CENPE: variants seen among roughly 807,000 people sequenced by gnomAD.
The protein encoded by CENPE is centromere-associated protein E.
CENPE carries 145 observed loss-of-function variants against 336.1 expected under a neutral mutation model. The observed-to-expected ratio is 0.43, with a 90% CI of 0.38 to 0.50. The LOEUF (loss-of-function observed/expected upper bound fraction) is 0.50, where lower values mean the gene tolerates loss of function less well. Among genes scored for constraint, CENPE ranks in the 20% least tolerant of loss-of-function variants. CENPE has a pLI of 0.00. For missense variants in CENPE, 2,719 were observed against 3,023.3 expected, an observed-to-expected ratio of 0.90 and a Z score of 2.36; for synonymous variants, 1,013 against 984.8, an observed-to-expected ratio of 1.03 and a Z score of -0.54.
rs776972153 is a variant in CENPE, at chr4:103,136,173, T to C, written c.6490A>G (p.Met2164Val). ...KLFTANQRCS[M>V]EFHRIMKKLK... is the part of the protein sequence containing the mutation. ...TTCTTCATGATTCTGTGGAATTCCA[T>C]GGAGCATCTCTGGTTTGCAGTAAAA... is the stretch of plus-strand genomic sequence containing the variant. Residue 2164 changes from methionine to valine, a missense_variant, in exon 40 of 49, where the codon ATG becomes GTG. Met to Val is a conservative substitution (Grantham distance 21, BLOSUM62 1). This residue lies in a region of CENPE where 2,437 missense variants were observed against 2,513.3 expected (regional missense o/e 0.97). Coordinates refer to ENST00000265148, the MANE Select transcript of CENPE (RefSeq NM_001813.3). 1.4e-5 allele frequency: 23 copies of C among 1,613,680 alleles called. No individual in the cohort carries two copies. In the East Asian group the frequency reaches 2.9e-4, roughly 20 times the overall value.
chr4:103,147,548 C>T lies in CENPE; in HGVS notation c.3942G>A (p.Gln1314=). The T allele has an allele frequency of 6.2e-7, 1 of 1,614,038 alleles. No individual in the cohort carries two copies. The highest frequency in any genetic ancestry group is 8.5e-7 in the Non-Finnish European group (1 of 1,179,998). ...TMNELELLTE[Q]STTKDSTTLA... The stretch of plus-strand genomic sequence containing the variant: ...GTGTTGTTGAGTCCTTGGTTGTGGA[C>T]TGTTCTGTTAATAACTCCAGTTCAT... Residue 1314 remains glutamine (Q), a synonymous_variant, in exon 29 of 49, where the codon CAG becomes CAA. Coordinates refer to ENST00000265148, the MANE Select transcript of CENPE (RefSeq NM_001813.3).
At position 103,106,341 on chromosome 4, in the gene CENPE, T is replaced by G. The variant is rs76191558; in HGVS notation, c.8012-25A>C. On this transcript the variant is annotated intron_variant, in intron 48 of 48. Transcript: ENST00000265148. Reference sequence around the variant, plus strand: ...TCTGAGAAAGAAAATGAAAACAACATTCATCCTATTACAAAAATACACAAA... The same window carrying G: ...TCTGAGAAAGAAAATGAAAACAACAGTCATCCTATTACAAAAATACACAAA... 2,914 of 1,542,192 alleles carry G rather than the reference T, an allele frequency of 1.9e-3. 55 individuals carry two copies. In the African/African-American group the frequency reaches 0.036, roughly 19 times the overall value.
At chr4:103,141,935 C>CATATCTTA (rs1752598005) in intron 34 of CENPE, 27 bp from the exon 35 acceptor site, 1 of 1,386,448 alleles carries the variant, frequency 7.2e-7, no homozygotes, top group Non-Finnish European at 1.0e-6. Context: ...ATTTTAAAAA[C>CATATCTTA]AGTGACATAT....
At position 103,159,271 on chromosome 4, in the gene CENPE, C is replaced by A. The variant is rs1329109575; in HGVS notation, c.2340G>T (p.Leu780Phe). 1 of 1,580,260 alleles carries A rather than the reference C, an allele frequency of 6.3e-7. No homozygotes were observed. The highest frequency in any genetic ancestry group is 1.9e-5 in the Admixed American group (1 of 53,286). Residue 780 changes from leucine to phenylalanine, a missense_variant, in exon 22 of 49, where the codon TTG becomes TTT. By Grantham distance (22) the Leu-to-Phe change is conservative (BLOSUM62 0). This residue lies in a region of CENPE where 2,437 missense variants were observed against 2,513.3 expected (regional missense o/e 0.97). Coordinates refer to ENST00000265148, the MANE Select transcript of CENPE (RefSeq NM_001813.3). Reference sequence around the variant, plus strand: ...TCTCCTTATGAACTACTTCAGAAAACAATTTATCTTTTTCTGATGTTATTA... The same window carrying A: ...TCTCCTTATGAACTACTTCAGAAAAAAATTTATCTTTTTCTGATGTTATTA... ...LHIITSEKDK[L>F]FSEVVHKESR...
At chr4:103,119,858 T>G (rs939114861) in intron 44 of CENPE, among the ~76,000 whole-genome samples, 1 of 152,136 alleles carries the variant, frequency 6.6e-6, no homozygotes, top group South Asian at 2.1e-4. Context: ...GTATTATATA[T>G]TTTGATAAGC....
At chr4:103,181,169 A>T (rs1325151339) in intron 12 of CENPE, among the ~76,000 whole-genome samples, 168 bp downstream of exon 12, 1 of 152,196 alleles carries the variant, frequency 6.6e-6, no homozygotes, top group African/African-American at 2.4e-5. Flanking sequence ...AATTTATAGT[A>T]AATTAAACTA....
chr4:103,165,849 T>C (rs1477699551), intron 16 of CENPE, among the ~76,000 whole-genome samples: 1 of 150,770 alleles, frequency 6.6e-6, no homozygotes, highest in Non-Finnish European at 1.5e-5. Context: ...ATTATATGTC[T>C]TTTAGATTAG....
At chr4:103,112,748 A>T (rs1188780400) in intron 46 of CENPE, among the ~76,000 whole-genome samples, 2 of 107,758 alleles carry the variant, frequency 1.9e-5, no homozygotes, top group African/African-American at 6.9e-5. Flanking sequence ...TTATAAGTAT[A>T]TAAGTGTATA....
intron 40 of CENPE, among the ~76,000 whole-genome samples, chr4:103,134,338 C>T (rs1245797563): frequency 2.0e-5 from 3 of 152,012 alleles, no homozygotes; most frequent in Non-Finnish European, 4.4e-5. Context: ...TTACATGCCT[C>T]AAGACTTCCT....
rs534018215 is a variant in CENPE at position 103,144,231 on chromosome 4, C to T, written c.5145+100G>A. On this transcript the variant is annotated intron_variant, in intron 33 of 48. Transcript: ENST00000265148. ...GATTACCGGCTCGAGCCACCGCGCC[C>T]GGCCTGGACCAATTTTATACTCCCA... 746 of 1,054,782 alleles carry T rather than the reference C, an allele frequency of 7.1e-4. 3 individuals are homozygous for T. The highest frequency in any genetic ancestry group is 3.1e-3 in the South Asian group (182 of 59,556). 65.3% of individuals were successfully genotyped at this position (1,054,782 alleles called of 1,614,324 possible).
intron 46 of CENPE, among the ~76,000 whole-genome samples, 170 bp downstream of exon 46, chr4:103,114,285 A>G (rs1749880386): frequency 6.6e-6 from 1 of 152,202 alleles, no homozygotes; most frequent in Admixed American, 6.5e-5. Flanking sequence ...ACAACAAACG[A>G]TGTCACAAGA....
chr4:103,115,409 C>T (rs909198696), intron 45 of CENPE, among the ~76,000 whole-genome samples: 2 of 152,176 alleles, frequency 1.3e-5, no homozygotes, highest in African/African-American at 4.8e-5. Flanking sequence ...GCTGGGATCA[C>T]AGGCGTGAGC....
At chr4:103,173,033 A>T (rs1560659470) in intron 16 of CENPE, among the ~76,000 whole-genome samples, 1 of 152,026 alleles carries the variant, frequency 6.6e-6, no homozygotes, top group African/African-American at 2.4e-5. Context: ...TGGAACCCCA[A>T]AAGACCCTGT....
Position 103,159,233 on chromosome 4 carries a change from C to T in CENPE, c.2378G>A (p.Gly793Asp). 6.2e-7 allele frequency: 1 copy of T among 1,609,190 alleles called. No homozygotes were observed. The highest frequency in any genetic ancestry group is 8.5e-7 in the Non-Finnish European group (1 of 1,176,246). Reference protein sequence around the residue: ...EVVHKESRVQGLLEEIGKTKD... With the variant: ...EVVHKESRVQDLLEEIGKTKD... ...TGTTTTCCCAATTTCTTCAAGTAAACCTTGAACTCTACTCTCCTTATGAAC... is the reference window on the plus strand; with the variant it reads ...TGTTTTCCCAATTTCTTCAAGTAAATCTTGAACTCTACTCTCCTTATGAAC... The change falls in exon 22 of 49, where the codon GGT becomes GAT. Residue 793 changes from glycine to aspartate, a missense_variant. Transcript: ENST00000265148.
At chr4:103,182,945 A>G (rs1756448517) in intron 10 of CENPE, 54 bp from the exon 11 acceptor site, 2 of 1,553,034 alleles carry the variant, frequency 1.3e-6, no homozygotes, top group Admixed American at 1.8e-5. Flanking sequence ...TTATATAATA[A>G]AGTAGTTGGT....
At position 103,174,826 on chromosome 4, in the gene CENPE, T is replaced by C; in HGVS notation, c.1557A>G (p.Thr519=). 6.5e-7 allele frequency: 1 copy of C among 1,546,006 alleles called. No homozygotes were observed. The highest frequency in any genetic ancestry group is 1.2e-5 in the South Asian group (1 of 80,890). The change falls in exon 16 of 49, where the codon ACA becomes ACG. Residue 519 remains threonine (T), a synonymous_variant. Coordinates refer to ENST00000265148, the MANE Select transcript of CENPE (RefSeq NM_001813.3). ...NLVLDYEQLR[T]EKEEMELKLK... ...ATTTCAATTCCATTTCTTCTTTTTC[T>C]GTTCGTAGTTGTTCATAGTCTAATA...
In CENPE at chr4:103,183,341, T is replaced by TA. The variant is rs2126025152; in HGVS notation, c.746-54dup. On this transcript the variant is annotated intron_variant, in intron 9 of 48. Coordinates refer to ENST00000265148, the MANE Select transcript of CENPE (RefSeq NM_001813.3). ...TAAACTTGACTCCTTTTCTAGATGA[T>TA]AAACTTATTTATCACTAAGTTAATG... is the stretch of plus-strand genomic sequence containing the variant. 2.2e-6 allele frequency: 3 copies of TA among 1,391,148 alleles called. No homozygotes were observed. The East Asian group carries it at 6.9e-5, about 32-fold the overall frequency. 86.2% of individuals were successfully genotyped at this position (1,391,148 alleles called of 1,614,324 possible). A position where few individuals can be genotyped will look rare whatever the true frequency, so the allele number is the denominator to read the frequency against.
At chr4:103,153,975 T>A (rs1753766452) in intron 24 of CENPE, among the ~76,000 whole-genome samples, 1 of 152,148 alleles carries the variant, frequency 6.6e-6, no homozygotes, top group Non-Finnish European at 1.5e-5. Context: ...AAAAATGTTA[T>A]ATAAATTCAT....
chr4:103,116,497 G>T, intron 45 of CENPE, 80 bp downstream of exon 45: 1 of 587,326 alleles, frequency 1.7e-6, no homozygotes, highest in Non-Finnish European at 2.9e-6. Context: ...ATTTTAAAAA[G>T]TTAACTAATG....
Sources: allele counts gnomAD v4.1 joint callset (sites outside exome capture counted in the v4.1 genomes callset), GRCh38; gene constraint gnomAD v4.1.1; regional missense constraint gnomAD v4.1.1; transcripts MANE v1.5; gene names NCBI Gene and HGNC (gene_info 2026-07-23, HGNC 2026-07-21).